Variants in PHACTR1 observed in about 807,000 individuals in gnomAD.
PHACTR1 encodes RPEL repeat containing 1.
A neutral mutation model predicts 69.2 loss-of-function variants in PHACTR1; 16 were observed. That is an observed-to-expected ratio of 0.23 (90% confidence interval 0.16 to 0.35). The LOEUF (loss-of-function observed/expected upper bound fraction) is 0.35. PHACTR1 is among the 10% of genes least tolerant of loss of function. PHACTR1 has a pLI of 1.00. For missense variants in PHACTR1, 510 were observed against 734.7 expected (o/e 0.69, Z 3.54); for synonymous variants, 312 against 284.5 (o/e 1.10, Z -0.97).
intron 4 of PHACTR1, among the ~76,000 whole-genome samples, chr6:12,804,589 AG>A (rs1774084918): frequency 1.3e-5 from 2 of 152,138 alleles, no homozygotes; most frequent in Admixed American, 6.5e-5. Flanking sequence ...GCATTTTGGG[AG>A]GGGGGTGGAT....
intron 4 of PHACTR1, among the ~76,000 whole-genome samples, chr6:12,820,696 A>C (rs1776104909): frequency 6.6e-6 from 1 of 152,186 alleles, no homozygotes; most frequent in Non-Finnish European, 1.5e-5. Flanking sequence ...GGAAGAGAAA[A>C]CAGAAATTAA....
intron 4 of PHACTR1, among the ~76,000 whole-genome samples, chr6:12,999,589 ACT>A (rs1278390305): frequency 6.6e-6 from 1 of 152,112 alleles, no homozygotes; most frequent in African/African-American, 2.4e-5. Context: ...ACAGAGTGAG[ACT>A]CTGTCTCAGA....
chr6:12,844,233 A>G (rs9367239), intron 4 of PHACTR1, among the ~76,000 whole-genome samples: 28,660 of 151,906 alleles, frequency 0.19, 2,909 homozygotes, highest in African/African-American at 0.26. Context: ...CATCGCTACA[A>G]AAAATTTTAA....
chr6:12,858,720 C>T (rs1780648952), intron 4 of PHACTR1, among the ~76,000 whole-genome samples: 1 of 151,942 alleles, frequency 6.6e-6, no homozygotes, highest in Non-Finnish European at 1.5e-5. Flanking sequence ...CCCTTTTGCC[C>T]AAGAGTTTCA....
At chr6:12,922,148 T>A (rs1363663846) in intron 4 of PHACTR1, among the ~76,000 whole-genome samples, 1 of 152,160 alleles carries the variant, frequency 6.6e-6, no homozygotes, top group Non-Finnish European at 1.5e-5. Context: ...GGAGTTGGGA[T>A]CCCTGGGTTC....
intron 5 of PHACTR1, among the ~76,000 whole-genome samples, chr6:13,135,835 A>G (rs1821457038): frequency 6.6e-6 from 1 of 152,176 alleles, no homozygotes; most frequent in Admixed American, 6.5e-5. Context: ...AGCCTGGGCA[A>G]TGCATTTCTC....
At chr6:13,226,287 G>A (rs1278312059) in intron 8 of PHACTR1, among the ~76,000 whole-genome samples, 1 of 152,156 alleles carries the variant, frequency 6.6e-6, no homozygotes, top group African/African-American at 2.4e-5. Context: ...TGGAAGGAAG[G>A]AAGTTAATTG....
chr6:12,747,072 C>T (rs1020536049), intron 3 of PHACTR1, among the ~76,000 whole-genome samples: 3 of 152,282 alleles, frequency 2.0e-5, no homozygotes, highest in South Asian at 4.1e-4. Flanking sequence ...GACTCCGCTG[C>T]GCCTCTTGGA....
intron 4 of PHACTR1, among the ~76,000 whole-genome samples, chr6:12,782,044 G>C (rs989742086): frequency 6.6e-6 from 1 of 152,150 alleles, no homozygotes; most frequent in African/African-American, 2.4e-5. Context: ...CCTCTGCTCT[G>C]TGCTCCCTCT....
intron 5 of PHACTR1, among the ~76,000 whole-genome samples, chr6:13,075,979 T>C (rs1810397330): frequency 6.6e-6 from 1 of 151,710 alleles, no homozygotes; most frequent in African/African-American, 2.4e-5. Context: ...TGATCAGAAA[T>C]ACCTTCTTAG....
chr6:13,038,186 A>G (rs1803613833), intron 4 of PHACTR1, among the ~76,000 whole-genome samples: 1 of 152,178 alleles, frequency 6.6e-6, no homozygotes, highest in Non-Finnish European at 1.5e-5. Flanking sequence ...TATTATCCCC[A>G]TATTTCAGAT....
intron 4 of PHACTR1, among the ~76,000 whole-genome samples, chr6:13,024,250 G>C (rs763934820): frequency 6.5e-4 from 99 of 152,154 alleles, no homozygotes; most frequent in Admixed American, 3.9e-4. Flanking sequence ...TGCACAATTA[G>C]GGACCATCCC....
At chr6:12,886,674 C>T (rs1783674027) in intron 4 of PHACTR1, among the ~76,000 whole-genome samples, 1 of 152,126 alleles carries the variant, frequency 6.6e-6, no homozygotes, top group Non-Finnish European at 1.5e-5. Context: ...ACACAGGACC[C>T]AACAGAGAAC....
chr6:12,933,905 T>C, intron 4 of PHACTR1: 1 of 1,611,782 alleles, frequency 6.2e-7, no homozygotes, highest in Non-Finnish European at 8.5e-7. Flanking sequence ...GGACATTTAC[T>C]CTTTGGTCCA....
At chr6:13,038,478 T>G (rs1407590278) in intron 4 of PHACTR1, among the ~76,000 whole-genome samples, 1 of 144,718 alleles carries the variant, frequency 6.9e-6, no homozygotes, top group African/African-American at 2.6e-5. Flanking sequence ...TGCATGAGTG[T>G]TCAAGTGTTT....
chr6:12,818,093 G>C (rs1775794758), intron 4 of PHACTR1, among the ~76,000 whole-genome samples: 1 of 152,208 alleles, frequency 6.6e-6, no homozygotes, highest in Non-Finnish European at 1.5e-5. Flanking sequence ...AAAGTGCTGG[G>C]ATTACAGGTG....
intron 5 of PHACTR1, among the ~76,000 whole-genome samples, chr6:13,122,134 T>G (rs1391515304): frequency 1.3e-5 from 2 of 152,184 alleles, no homozygotes; most frequent in Non-Finnish European, 2.9e-5. Context: ...TCCTCCCTAA[T>G]AGAATACTTG....
At chr6:13,278,723 C>T (rs1162158968) in intron 12 of PHACTR1, among the ~76,000 whole-genome samples, 1 of 152,096 alleles carries the variant, frequency 6.6e-6, no homozygotes. Flanking sequence ...TTTGGGAGGC[C>T]AAGGTGAGTG....
chr6:12,877,712 C>A (rs895673149), intron 4 of PHACTR1, among the ~76,000 whole-genome samples: 1 of 152,232 alleles, frequency 6.6e-6, no homozygotes, highest in Non-Finnish European at 1.5e-5. Flanking sequence ...TGGCAAGCTA[C>A]TCCTCCTTTA....
Sources: allele counts gnomAD v4.1 joint callset (sites outside exome capture counted in the v4.1 genomes callset), GRCh38; gene constraint gnomAD v4.1.1; transcripts MANE v1.5; gene names NCBI Gene and HGNC (gene_info 2026-07-23, HGNC 2026-07-21).